The following NRXN1 variants were observed in gnomAD, a reference collection of about 807,000 sequenced individuals.
NRXN1 encodes the protein neurexin 1.
NRXN1 carries 39 observed loss-of-function variants against 150.9 expected under a neutral mutation model. The ratio of observed to expected loss-of-function variants is 0.26; its 90% CI spans 0.20 to 0.34. NRXN1 has a LOEUF of 0.34. NRXN1 is among the 10% of genes least tolerant of loss of function. NRXN1 has a pLI of 1.00. For synonymous variants in NRXN1, 924 were observed against 757.0 expected (o/e 1.22, Z -3.62); for missense variants, 1,815 against 1,949.9 (o/e 0.93, Z 1.30).
At chr2:50,647,639 C>G (rs557747140) in intron 5 of NRXN1, among the ~76,000 whole-genome samples, 1 of 152,022 alleles carries the variant, frequency 6.6e-6, no homozygotes, top group South Asian at 2.1e-4. Flanking sequence ...CCTCATAATT[C>G]CACTTCCAAG....
At chr2:50,207,038 T>C (rs951946776) in intron 18 of NRXN1, among the ~76,000 whole-genome samples, 3 of 151,974 alleles carry the variant, frequency 2.0e-5, no homozygotes. Flanking sequence ...CTAGCACTCT[T>C]CTTCAAGAAA....
In NRXN1 at chr2:50,506,597, A is replaced by G; in HGVS notation, c.2395T>C (p.Phe799Leu). ...CNSSKGPETL[F>L]AGYNLNDNEW... ...TTATCATTGAGGTTATAGCCAGCAAAAAGAGTCTCGGGACCTTTGCCTGTA... is the reference window on the plus strand; with the variant it reads ...TTATCATTGAGGTTATAGCCAGCAAGAAGAGTCTCGGGACCTTTGCCTGTA... The change falls in exon 13 of 23, where the codon TTT (phenylalanine) becomes CTT (leucine). Residue 799 changes from phenylalanine (F) to leucine (L), a missense_variant. Coordinates refer to ENST00000401669, the MANE Select transcript of NRXN1 (RefSeq NM_001330078.2). 1 of 1,613,410 alleles carries G rather than the reference A, an allele frequency of 6.2e-7. No homozygotes were observed. The highest frequency in any genetic ancestry group is 2.2e-5 in the East Asian group (1 of 44,842).
chr2:50,043,369 T>G (rs1436914816), intron 21 of NRXN1, among the ~76,000 whole-genome samples: 1 of 152,186 alleles, frequency 6.6e-6, no homozygotes, highest in Non-Finnish European at 1.5e-5. Context: ...TGTATTAGAT[T>G]GCCATGTAGA....
At chr2:50,917,794 C>G (rs1685428567) in intron 5 of NRXN1, 1 of 151,578 alleles carries the variant, frequency 6.6e-6, no homozygotes, top group Non-Finnish European at 1.5e-5. Context: ...CTGTTACTTA[C>G]AAGCTACCCA....
intron 21 of NRXN1, among the ~76,000 whole-genome samples, chr2:50,029,480 G>A (rs61418384): frequency 0.019 from 2,927 of 152,142 alleles, 96 homozygotes; most frequent in African/African-American, 0.067. Context: ...TCTTAAGCAT[G>A]GGATCCTAAT....
intron 21 of NRXN1, among the ~76,000 whole-genome samples, chr2:50,012,869 T>C (rs1047080034): frequency 3.3e-5 from 5 of 152,150 alleles, no homozygotes; most frequent in African/African-American, 1.2e-4. Context: ...ACCCATGGAA[T>C]GGAATGGATT....
chr2:50,687,005 T>C (rs1691329963), intron 5 of NRXN1, among the ~76,000 whole-genome samples: 1 of 152,204 alleles, frequency 6.6e-6, no homozygotes, highest in Non-Finnish European at 1.5e-5. Context: ...TGCTGACTTA[T>C]CAATTGCCTC....
intron 17 of NRXN1, among the ~76,000 whole-genome samples, chr2:50,395,391 T>C (rs866994829): frequency 1.8e-4 from 27 of 151,492 alleles, no homozygotes; most frequent in Admixed American, 5.3e-4. Context: ...AACATACTCT[T>C]CTACAAGCAG....
intron 9 of NRXN1, among the ~76,000 whole-genome samples, chr2:50,549,100 T>A (rs1460998313): frequency 6.6e-6 from 1 of 152,050 alleles, no homozygotes; most frequent in Non-Finnish European, 1.5e-5. Flanking sequence ...ATATAAAAAA[T>A]GGGTAAAATA....
intron 17 of NRXN1, among the ~76,000 whole-genome samples, chr2:50,446,047 G>A (rs35125023): frequency 0.52 from 78,643 of 151,678 alleles, 22,915 homozygotes; most frequent in East Asian, 0.92. Context: ...ATACTGTATT[G>A]TATCATATTA....
chr2:50,122,601 T>C (rs936790681), intron 18 of NRXN1, among the ~76,000 whole-genome samples: 3 of 152,232 alleles, frequency 2.0e-5, no homozygotes, highest in African/African-American at 7.2e-5. Context: ...GAAGTGTGCA[T>C]AGAAACACCT....
At chr2:50,560,180 G>A (rs1668843373) in intron 8 of NRXN1, among the ~76,000 whole-genome samples, 1 of 152,116 alleles carries the variant, frequency 6.6e-6, no homozygotes, top group Admixed American at 6.6e-5. Context: ...TCTAGCATAG[G>A]ACATGATTCT....
intron 8 of NRXN1, among the ~76,000 whole-genome samples, chr2:50,590,429 T>C (rs1280203172): frequency 6.6e-6 from 1 of 152,180 alleles, no homozygotes; most frequent in African/African-American, 2.4e-5. Context: ...TCTGTTAGTA[T>C]GCACAGCTTT....
chr2:50,365,415 G>A (rs2079516877), intron 17 of NRXN1, among the ~76,000 whole-genome samples: 1 of 151,984 alleles, frequency 6.6e-6, no homozygotes, highest in South Asian at 2.1e-4. Context: ...TGTATAAAAT[G>A]TGAGGAAGGA....
chr2:50,871,242 CTATTA>C (rs1397121680), intron 5 of NRXN1, among the ~76,000 whole-genome samples: 9 of 151,776 alleles, frequency 5.9e-5, no homozygotes, highest in Non-Finnish European at 8.8e-5. Flanking sequence ...CTCCTATTCT[CTATTA>C]TCTTTATAAT....
At chr2:50,570,340 C>A (rs537169814) in intron 8 of NRXN1, among the ~76,000 whole-genome samples, 53 of 152,240 alleles carry the variant, frequency 3.5e-4, no homozygotes, top group Middle Eastern at 3.4e-3. Context: ...AAATGGTGGG[C>A]ATTTCCATAG....
chr2:50,613,099 G>C (rs1265106777), intron 8 of NRXN1, among the ~76,000 whole-genome samples: 5 of 152,104 alleles, frequency 3.3e-5, no homozygotes, highest in Non-Finnish European at 7.4e-5. Flanking sequence ...TAGCTTTCTT[G>C]TTAAAGTTTT....
chr2:50,656,595 C>T (rs1455396828), intron 5 of NRXN1, among the ~76,000 whole-genome samples: 1 of 151,954 alleles, frequency 6.6e-6, no homozygotes, highest in East Asian at 1.9e-4. Flanking sequence ...ACCTGCTCTT[C>T]TTGGCTATTC....
chr2:50,642,415 C>CT (rs1217327303), intron 5 of NRXN1, among the ~76,000 whole-genome samples: 1 of 151,810 alleles, frequency 6.6e-6, no homozygotes, highest in East Asian at 1.9e-4. Flanking sequence ...GGAAAAGATC[C>CT]TCCAGAGTAT....
Sources: gnomAD v4.1 joint callset for allele counts (sites outside exome capture counted in the v4.1 genomes callset) on GRCh38, gnomAD v4.1.1 for gene constraint, MANE v1.5 for transcripts, NCBI Gene and HGNC (gene_info 2026-07-23, HGNC 2026-07-21) for gene names.